FBXO25: variants seen among roughly 807,000 people sequenced by gnomAD.
The protein encoded by FBXO25 is F-box only protein 25.
In FBXO25, 45 loss-of-function variants were observed where a neutral mutation model predicts 51.9. That is an observed-to-expected ratio of 0.87 (90% CI 0.68 to 1.11). FBXO25 has a LOEUF of 1.11. FBXO25 is among the 50% of genes most tolerant of loss of function. The probability of loss-of-function intolerance (pLI) is 0.00; values close to 1 mark genes in which losing one functional copy is unlikely to be tolerated. For missense variants in FBXO25, 507 were observed against 428.5 expected (o/e 1.18, Z -1.62); for synonymous variants, 199 against 151.0 (o/e 1.32, Z -2.33).
At chr8:444,288 G>T (rs1336651004) in intron 5 of FBXO25, among the ~76,000 whole-genome samples, 4 of 152,166 alleles carry the variant, frequency 2.6e-5, no homozygotes. Context: ...GGATGTTGTT[G>T]TTTCTCTTTC....
chr8:432,430 T>C (rs559320304), intron 3 of FBXO25, among the ~76,000 whole-genome samples: 1 of 150,706 alleles, frequency 6.6e-6, no homozygotes, highest in Non-Finnish European at 1.5e-5. Context: ...GGTGAAACTG[T>C]GAATACGGGG....
intron 7 of FBXO25, among the ~76,000 whole-genome samples, chr8:453,212 T>A (rs2116742697): frequency 6.6e-6 from 1 of 152,312 alleles, no homozygotes; most frequent in East Asian, 1.9e-4. Flanking sequence ...AAAGCGCTGA[T>A]GATAACACAA....
chr8:411,874 T>C (rs904093747), intron 1 of FBXO25, among the ~76,000 whole-genome samples: 2 of 152,212 alleles, frequency 1.3e-5, no homozygotes, highest in Non-Finnish European at 2.9e-5. Context: ...ACAGTCTCAC[T>C]GTGTATGAGA....
intron 2 of FBXO25, among the ~76,000 whole-genome samples, chr8:415,681 C>T (rs1314797598): frequency 6.6e-6 from 1 of 151,998 alleles, no homozygotes; most frequent in Non-Finnish European, 1.5e-5. Context: ...AAAGGGTGGC[C>T]CTGAGAAGGA....
chr8:476,225 A>G lies in FBXO25; in HGVS notation c.*7421A>G, dbSNP rs1339324908. 3 of 152,152 alleles carry G rather than the reference A, an allele frequency of 2.0e-5. No individual in the cohort carries two copies. Among genetic ancestry groups the G allele is most frequent in the Admixed American group, 6.5e-5 (1 of 15,274 alleles). 9.4% of individuals were successfully genotyped at this position (152,152 alleles called of 1,614,324 possible). On this transcript the variant is annotated 3_prime_UTR_variant, in exon 10 of 10. Coordinates refer to ENST00000350302, the MANE Select transcript of FBXO25 (RefSeq NM_183420.2). ...TACCAGCTGTAAATCTTACTTGGCC[A>G]TGATGTGTAATCCTTTCAATGTCCC...
Position 473,000 on chromosome 8 carries a change from T to C in FBXO25, c.*4196T>C, listed in dbSNP as rs898612064. The C allele has an allele frequency of 3.9e-5, 6 of 152,264 alleles. No homozygotes were observed. Among genetic ancestry groups the C allele is most frequent in the African/African-American group, 1.4e-4 (6 of 41,436 alleles). 9.4% of individuals were successfully genotyped at this position (152,264 alleles called of 1,614,324 possible). A position where few individuals can be genotyped will look rare whatever the true frequency, so the allele number is the denominator to read the frequency against. ...GCAAAGCCAAGGGATTAGCAACAGG[T>C]AGGAGGAAAAAGAAGGACCTGCATA... is the stretch of plus-strand genomic sequence containing the variant. On this transcript the variant is annotated 3_prime_UTR_variant, in exon 10 of 10. Coordinates refer to ENST00000350302, the MANE Select transcript of FBXO25 (RefSeq NM_183420.2).
chr8:408,178 C>T (rs1796277412), intron 1 of FBXO25, among the ~76,000 whole-genome samples: 1 of 152,180 alleles, frequency 6.6e-6, no homozygotes, highest in African/African-American at 2.4e-5. Flanking sequence ...AATTTGTCCA[C>T]ACTTATAAGC....
chr8:430,960 C>A (rs1365913429), intron 2 of FBXO25, among the ~76,000 whole-genome samples: 1 of 152,086 alleles, frequency 6.6e-6, no homozygotes, highest in Non-Finnish European at 1.5e-5. Context: ...GGTTACTCAG[C>A]ATGGGGAAGG....
chr8:439,480 C>T (rs1411934359), intron 5 of FBXO25, among the ~76,000 whole-genome samples: 1 of 152,254 alleles, frequency 6.6e-6, no homozygotes, highest in Non-Finnish European at 1.5e-5. Flanking sequence ...GATAAATTAT[C>T]TGAAGTACTT....
rs946463575 is a variant in FBXO25, at chr8:474,576, G to T, written c.*5772G>T. Reference sequence around the variant, plus strand: ...TGTTTTTAATAATTGCCATCCTAATGAGTGTGAAGTGGTATCCTGCTGAGA... The same window carrying T: ...TGTTTTTAATAATTGCCATCCTAATTAGTGTGAAGTGGTATCCTGCTGAGA... On this transcript the variant is annotated 3_prime_UTR_variant, in exon 10 of 10. Coordinates refer to ENST00000350302, the MANE Select transcript of FBXO25 (RefSeq NM_183420.2). 1 of 367,848 alleles carries T rather than the reference G, an allele frequency of 2.7e-6. No homozygotes were observed. The highest frequency in any genetic ancestry group is 2.1e-5 in the African/African-American group (1 of 46,848). 22.8% of individuals were successfully genotyped at this position (367,848 alleles called of 1,614,324 possible).
At chr8:423,710 T>C (rs1413624558) in intron 2 of FBXO25, among the ~76,000 whole-genome samples, 7 of 152,240 alleles carry the variant, frequency 4.6e-5, no homozygotes, top group Admixed American at 6.5e-5. Context: ...GCACCTGGGT[T>C]GATTCTGTGT....
chr8:468,880 G>A lies in FBXO25; in HGVS notation c.*76G>A. The A allele has an allele frequency of 2.1e-6, 3 of 1,418,990 alleles. No individual in the cohort carries two copies. The highest frequency in any genetic ancestry group is 2.9e-6 in the Non-Finnish European group (3 of 1,034,080). The allele number at this position is 1,418,990 out of a possible 1,614,324, so 87.9% of individuals were successfully genotyped here. On this transcript the variant is annotated 3_prime_UTR_variant, in exon 10 of 10. Transcript: ENST00000350302. ...AGGGCTCATAGTGAGTGTTCTGTGA[G>A]GTGGGTGGAGACTCCTCGGAAGCCC...
chr8:426,126 C>G (rs1408641643), intron 2 of FBXO25, among the ~76,000 whole-genome samples: 1 of 152,138 alleles, frequency 6.6e-6, no homozygotes, highest in Admixed American at 6.6e-5. Flanking sequence ...CATGTGCCAG[C>G]AGCTCCACAG....
rs73669398 is a variant in FBXO25, at chr8:462,982, T to G, written c.844-25T>G. 1.0e-3 allele frequency: 1,611 copies of G among 1,590,138 alleles called. 17 individuals carry two copies. The African/African-American group carries it at 0.02, about 19-fold the overall frequency. ...GTTTTGAAAGTCATCTTATGCGGAT[T>G]CTGAATGGAGTTTTGTTTGTTTAGT... On this transcript the variant is annotated intron_variant, in intron 8 of 9. Coordinates refer to ENST00000350302, the MANE Select transcript of FBXO25 (RefSeq NM_183420.2).
chr8:436,300 C>A (rs150514282), intron 5 of FBXO25, among the ~76,000 whole-genome samples: 12,307 of 151,954 alleles, frequency 0.081, 635 homozygotes, highest in African/African-American at 0.14. Flanking sequence ...GGTTTATGCA[C>A]CTTCATTCTA....
chr8:442,692 A>C (rs1042152069), intron 5 of FBXO25, among the ~76,000 whole-genome samples: 4 of 151,048 alleles, frequency 2.6e-5, no homozygotes, highest in Admixed American at 1.3e-4. Context: ...CTGGTCTTGA[A>C]CTCCTGACCT....
intron 2 of FBXO25, among the ~76,000 whole-genome samples, chr8:425,402 TA>T (rs1797412236): frequency 6.6e-6 from 1 of 151,566 alleles, no homozygotes; most frequent in Admixed American, 6.6e-5. Context: ...GTAACTTTCT[TA>T]TTTTTTTTTT....
intron 9 of FBXO25, chr8:468,264 G>T: frequency 9.9e-7 from 1 of 1,013,250 alleles, no homozygotes; most frequent in East Asian, 1.0e-4. Context: ...TCCTATGCAG[G>T]GAGCCCAAGC....
intron 1 of FBXO25, among the ~76,000 whole-genome samples, chr8:412,041 C>T (rs1211118862): frequency 1.3e-5 from 2 of 152,144 alleles, no homozygotes; most frequent in Non-Finnish European, 2.9e-5. Flanking sequence ...TCAAGAGGAG[C>T]AGAAATCAAG....
Sources: allele counts gnomAD v4.1 joint callset (sites outside exome capture counted in the v4.1 genomes callset), GRCh38; gene constraint gnomAD v4.1.1; transcripts MANE v1.5; gene names NCBI Gene and HGNC (gene_info 2026-07-23, HGNC 2026-07-21).